Variants in TRPM3 observed in about 807,000 individuals in gnomAD.
The protein encoded by TRPM3 is transient receptor potential cation channel subfamily M member 3, also known as long transient receptor potential channel 3.
A neutral mutation model predicts 181.2 loss-of-function variants in TRPM3; 77 were observed. The observed-to-expected ratio is 0.42, with a 90% CI of 0.35 to 0.51. The LOEUF (loss-of-function observed/expected upper bound fraction) is 0.51, where lower values mean the gene tolerates loss of function less well. TRPM3 is among the 20% of genes least tolerant of loss of function. The probability of loss-of-function intolerance (pLI) is 0.01; values close to 1 mark genes in which losing one functional copy is unlikely to be tolerated. For synonymous variants in TRPM3, 745 were observed against 796.4 expected (o/e 0.94, Z 1.09); for missense variants, 1,759 against 2,196.7 (o/e 0.80, Z 3.98).
rs59612871 is a variant in TRPM3 at position 71,121,615 on chromosome 9, C to T, written c.-261G>A. The T allele has an allele frequency of 0.071, 86,772 of 1,226,864 alleles. 3,502 individuals are homozygous for T. The highest frequency in any genetic ancestry group is 0.15 in the Admixed American group (3,738 of 24,176). 76.0% of individuals were successfully genotyped at this position (1,226,864 alleles called of 1,614,324 possible). On this transcript the variant is annotated 5_prime_UTR_variant, in exon 1 of 26. Transcript: ENST00000677713. Reference sequence around the variant, plus strand: ...GTGGTCGGAGTCAAAGCAGCCTGCTCCAGAATGCGCGCTCCCTCTCCCGCT... The same window carrying T: ...GTGGTCGGAGTCAAAGCAGCCTGCTTCAGAATGCGCGCTCCCTCTCCCGCT...
intron 1 of TRPM3, among the ~76,000 whole-genome samples, chr9:71,097,172 A>T (rs975259865): frequency 3.9e-5 from 6 of 152,042 alleles, no homozygotes; most frequent in Non-Finnish European, 7.4e-5. Context: ...TATGCTTATT[A>T]AAAAAAGAGA....
At chr9:70,644,956 C>T (rs995900648) in intron 9 of TRPM3, among the ~76,000 whole-genome samples, 5 of 152,142 alleles carry the variant, frequency 3.3e-5, no homozygotes, top group African/African-American at 9.7e-5. Context: ...CTCCCATTCA[C>T]AATTGCTACA....
chr9:70,896,529 C>T (rs1021623825), intron 1 of TRPM3, among the ~76,000 whole-genome samples: 10 of 151,892 alleles, frequency 6.6e-5, no homozygotes, highest in African/African-American at 2.4e-4. Flanking sequence ...CCAGATGCTG[C>T]AAGACAAAAG....
At chr9:70,767,772 G>T (rs1405075907) in intron 7 of TRPM3, among the ~76,000 whole-genome samples, 1 of 152,132 alleles carries the variant, frequency 6.6e-6, no homozygotes, top group East Asian at 1.9e-4. Context: ...GGCTTGCATT[G>T]CTCTTTCCCT....
intron 22 of TRPM3, among the ~76,000 whole-genome samples, chr9:70,588,634 C>T (rs777239295): frequency 2.6e-5 from 4 of 152,042 alleles, no homozygotes; most frequent in Admixed American, 6.6e-5. Flanking sequence ...ATATGAGATC[C>T]GATCAGCCTG....
At chr9:71,413,616 G>A (rs890081016) in intron 1 of TRPM3, among the ~76,000 whole-genome samples, 4 of 152,076 alleles carry the variant, frequency 2.6e-5, no homozygotes, top group African/African-American at 9.7e-5. Context: ...AATTCCCACT[G>A]CAACAGTGTT....
At chr9:70,606,468 A>ATATT (rs936388736) in intron 19 of TRPM3, among the ~76,000 whole-genome samples, 15 of 152,098 alleles carry the variant, frequency 9.9e-5, no homozygotes, top group Admixed American at 7.2e-4. Context: ...CTATAATATA[A>ATATT]TATTTTGGGA....
At chr9:71,437,011 G>A (rs1342099109) in intron 1 of TRPM3, among the ~76,000 whole-genome samples, 1 of 152,102 alleles carries the variant, frequency 6.6e-6, no homozygotes, top group Non-Finnish European at 1.5e-5. Context: ...CACAATTAAT[G>A]GGTCAAATAT....
intron 1 of TRPM3, among the ~76,000 whole-genome samples, chr9:71,350,159 G>T (rs1263680452): frequency 6.6e-6 from 1 of 151,978 alleles, no homozygotes; most frequent in Admixed American, 6.6e-5. Context: ...GAGAAATCAT[G>T]AGATGTTTCC....
At chr9:71,045,405 T>C (rs12352390) in intron 1 of TRPM3, among the ~76,000 whole-genome samples, 8,298 of 152,254 alleles carry the variant, frequency 0.055, 397 homozygotes, top group African/African-American at 0.13. Flanking sequence ...TACACTAAAA[T>C]GATTTCTCGG....
At chr9:71,029,988 G>A (rs947438797) in intron 1 of TRPM3, among the ~76,000 whole-genome samples, 6 of 152,122 alleles carry the variant, frequency 3.9e-5, no homozygotes, top group African/African-American at 1.2e-4. Flanking sequence ...CACATATTGA[G>A]GATTTCTATA....
At chr9:71,113,913 C>T (rs962483250) in intron 1 of TRPM3, among the ~76,000 whole-genome samples, 2 of 152,110 alleles carry the variant, frequency 1.3e-5, no homozygotes, top group African/African-American at 4.8e-5. Context: ...TTGTGAAATC[C>T]AAGTTTGCAA....
At chr9:70,840,006 G>A (rs116346629) in intron 5 of TRPM3, among the ~76,000 whole-genome samples, 2,046 of 152,134 alleles carry the variant, frequency 0.013, 47 homozygotes, top group African/African-American at 0.046. Context: ...TTTTTAATTT[G>A]ATAATTTTGA....
chr9:70,553,817 T>C (rs570496841), intron 22 of TRPM3, among the ~76,000 whole-genome samples: 1 of 152,140 alleles, frequency 6.6e-6, no homozygotes, highest in Non-Finnish European at 1.5e-5. Context: ...ACCTGGGAGC[T>C]CCAGCTAACG....
At chr9:71,009,273 C>G (rs114330908) in intron 1 of TRPM3, among the ~76,000 whole-genome samples, 434 of 152,124 alleles carry the variant, frequency 2.9e-3, no homozygotes, top group African/African-American at 9.8e-3. Flanking sequence ...GGAAGAAGGG[C>G]ACCCAAATCA....
chr9:71,431,463 T>C (rs2093952550), intron 1 of TRPM3, among the ~76,000 whole-genome samples: 1 of 152,190 alleles, frequency 6.6e-6, no homozygotes, highest in Non-Finnish European at 1.5e-5. Context: ...GCAGACAATA[T>C]AGTTTCATTA....
intron 1 of TRPM3, among the ~76,000 whole-genome samples, chr9:71,442,144 T>A (rs1563937017): frequency 6.6e-6 from 1 of 152,218 alleles, no homozygotes; most frequent in Non-Finnish European, 1.5e-5. Flanking sequence ...CACTGTGCTT[T>A]CTACATACTC....
chr9:71,099,683 C>G (rs1330130026), intron 1 of TRPM3, among the ~76,000 whole-genome samples: 2 of 152,176 alleles, frequency 1.3e-5, no homozygotes, highest in African/African-American at 4.8e-5. Flanking sequence ...TAAGAAAATA[C>G]AACTTATGCT....
intron 1 of TRPM3, among the ~76,000 whole-genome samples, chr9:71,022,271 G>A (rs957663595): frequency 4.6e-5 from 7 of 152,174 alleles, no homozygotes; most frequent in African/African-American, 1.7e-4. Flanking sequence ...TTTGACAAAG[G>A]TGCAAAAGCA....
Sources: allele counts gnomAD v4.1 joint callset (sites outside exome capture counted in the v4.1 genomes callset), GRCh38; gene constraint gnomAD v4.1.1; transcripts MANE v1.5; gene names NCBI Gene and HGNC (gene_info 2026-07-23, HGNC 2026-07-21).